DLG2: variants seen among roughly 807,000 people sequenced by gnomAD.
DLG2 encodes discs large MAGUK scaffold protein 2.
DLG2 carries 45 observed loss-of-function variants against 132.5 expected under a neutral mutation model. The ratio of observed to expected loss-of-function variants is 0.34; its 90% CI spans 0.27 to 0.44. DLG2 has a LOEUF of 0.44. Ranked by LOEUF, DLG2 falls within the 20% of genes least tolerant of loss-of-function variation. The pLI is 1.00. For missense variants in DLG2, 1,045 were observed against 1,196.9 expected, an observed-to-expected ratio of 0.87 and a Z score of 1.87; for synonymous variants, 424 against 419.6, an observed-to-expected ratio of 1.01 and a Z score of -0.13.
intron 6 of DLG2, among the ~76,000 whole-genome samples, chr11:85,056,662 C>G (rs926690140): frequency 6.6e-6 from 1 of 151,694 alleles, no homozygotes; most frequent in Non-Finnish European, 1.5e-5. Flanking sequence ...CTGCAAATCC[C>G]AAGTAGGGAA....
intron 6 of DLG2, among the ~76,000 whole-genome samples, chr11:84,934,069 T>G (rs888761417): frequency 2.0e-5 from 3 of 152,184 alleles, no homozygotes; most frequent in African/African-American, 7.2e-5. Context: ...TTTTAAAGAA[T>G]TTTTAACATG....
chr11:84,743,634 T>C (rs762121955), intron 6 of DLG2, among the ~76,000 whole-genome samples: 1 of 152,188 alleles, frequency 6.6e-6, no homozygotes, highest in African/African-American at 2.4e-5. Flanking sequence ...AATATATACA[T>C]TGGGGTCTTG....
intron 11 of DLG2, among the ~76,000 whole-genome samples, chr11:84,028,532 G>T (rs1363728399): frequency 6.6e-6 from 1 of 152,072 alleles, no homozygotes; most frequent in Non-Finnish European, 1.5e-5. Context: ...AACCTTCAGA[G>T]AACTCAACAG....
At chr11:84,517,569 T>C (rs1417068342) in intron 7 of DLG2, among the ~76,000 whole-genome samples, 1 of 151,922 alleles carries the variant, frequency 6.6e-6, no homozygotes, top group East Asian at 1.9e-4. Flanking sequence ...ATGCAACCAT[T>C]ATGAAAAAGA....
At position 84,441,132 on chromosome 11, in the gene DLG2, A is replaced by AATT. The variant is rs57445306; in HGVS notation, c.519+93435_519+93437dup. Reference sequence around the variant, plus strand: ...CTTTGGCTAATGTCTGATGTTAGTAAATTATTATTATTATTATTATTATTA... The same window carrying AATT: ...CTTTGGCTAATGTCTGATGTTAGTAAATTATTATTATTATTATTATTATTATTA... On this transcript the variant is annotated intron_variant, in intron 7 of 27. Transcript: ENST00000376104. Among the ~76,000 whole-genome samples the AATT allele has an allele frequency of 4.6e-3, 679 of 148,566 alleles. 2 individuals are homozygous for AATT. Among genetic ancestry groups the AATT allele is most frequent in the South Asian group, 0.016 (76 of 4,680 alleles).
At chr11:84,873,472 G>C (rs1019675716) in intron 6 of DLG2, among the ~76,000 whole-genome samples, 5 of 152,196 alleles carry the variant, frequency 3.3e-5, no homozygotes, top group African/African-American at 7.2e-5. Context: ...AAACCACTGA[G>C]TTGTAATTCA....
chr11:84,967,655 A>G (rs1273382817), intron 6 of DLG2, among the ~76,000 whole-genome samples: 1 of 152,164 alleles, frequency 6.6e-6, no homozygotes, highest in African/African-American at 2.4e-5. Context: ...TACTTGAAGA[A>G]CATGATATAC....
chr11:84,399,460 C>T (rs907045893), intron 7 of DLG2, among the ~76,000 whole-genome samples: 1 of 152,184 alleles, frequency 6.6e-6, no homozygotes, highest in Non-Finnish European at 1.5e-5. Flanking sequence ...GAGTCTCGCT[C>T]TGTCACCCAG....
intron 19 of DLG2, among the ~76,000 whole-genome samples, chr11:83,600,627 G>C (rs1353785801): frequency 6.6e-6 from 1 of 152,212 alleles, no homozygotes; most frequent in Non-Finnish European, 1.5e-5. Flanking sequence ...CCTGTACAGA[G>C]AGATGTGCAG....
chr11:85,210,515 C>T (rs576030674), intron 4 of DLG2, among the ~76,000 whole-genome samples: 4 of 152,278 alleles, frequency 2.6e-5, no homozygotes, highest in Non-Finnish European at 4.4e-5. Flanking sequence ...ATGGCAGTCT[C>T]ATTTTTCATA....
At chr11:83,898,202 T>C (rs2072338921) in intron 15 of DLG2, among the ~76,000 whole-genome samples, 1 of 152,150 alleles carries the variant, frequency 6.6e-6, no homozygotes, top group Non-Finnish European at 1.5e-5. Flanking sequence ...AAACTAAACA[T>C]AAATATATAT....
Position 83,541,632 on chromosome 11 carries a change from C to T in DLG2, c.2117+50G>A, listed in dbSNP as rs771977754. The T allele has an allele frequency of 6.1e-6, 9 of 1,472,970 alleles. No individual in the cohort carries two copies. The Admixed American group carries it at 1.0e-4, about 17-fold the overall frequency. The allele number at this position is 1,472,970 out of a possible 1,614,324, so 91.2% of individuals were successfully genotyped here. On this transcript the variant is annotated intron_variant, in intron 20 of 27. Transcript: ENST00000376104. ...CCACCTTCTTCTTCCCTCATCTCCA[C>T]TCGCTGGATAGCTGACAAGCAAATA... is the stretch of plus-strand genomic sequence containing the variant.
At chr11:83,549,981 G>A (rs2096347286) in intron 19 of DLG2, among the ~76,000 whole-genome samples, 2 of 152,244 alleles carry the variant, frequency 1.3e-5, no homozygotes, top group Non-Finnish European at 2.9e-5. Flanking sequence ...CTCCCAAAAT[G>A]TAGGCATTAT....
At chr11:85,146,977 T>C (rs1036314797) in intron 5 of DLG2, among the ~76,000 whole-genome samples, 2 of 152,180 alleles carry the variant, frequency 1.3e-5, no homozygotes, top group African/African-American at 4.8e-5. Flanking sequence ...AATTTTGCCC[T>C]ATGTTGTATT....
intron 3 of DLG2, among the ~76,000 whole-genome samples, chr11:85,457,436 T>A (rs1271508195): frequency 1.3e-5 from 2 of 152,200 alleles, no homozygotes; most frequent in African/African-American, 4.8e-5. Flanking sequence ...AGCCCATTCA[T>A]ATTCAAGGCT....
At position 83,473,033 on chromosome 11, in the gene DLG2, T is replaced by C. The variant is rs147546760; in HGVS notation, c.2294-256A>G. 8.5e-5 allele frequency among the ~76,000 whole-genome samples: 13 copies of C among 152,258 alleles called. No individual in the cohort carries two copies. The East Asian group carries it at 1.5e-3, about 18-fold the overall frequency. On this transcript the variant is annotated intron_variant, in intron 22 of 27. Transcript: ENST00000376104. ...CAGGGCAATGACCTGTGAGACTTCT[T>C]TCTGTCTGGCATTGAGAATGGAATG...
intron 3 of DLG2, among the ~76,000 whole-genome samples, chr11:85,467,789 TG>T (rs1012611080): frequency 6.6e-6 from 1 of 152,228 alleles, no homozygotes; most frequent in Non-Finnish European, 1.5e-5. Flanking sequence ...GTTATGTCTC[TG>T]CCAGGCTTTG....
chr11:84,253,846 G>C (rs984690765), intron 7 of DLG2, among the ~76,000 whole-genome samples: 1 of 151,942 alleles, frequency 6.6e-6, no homozygotes, highest in Non-Finnish European at 1.5e-5. Flanking sequence ...TCCCCACTAA[G>C]CTGCTTCATA....
intron 17 of DLG2, among the ~76,000 whole-genome samples, chr11:83,825,198 T>G (rs1390573940): frequency 1.0e-5 from 1 of 95,278 alleles, no homozygotes; most frequent in Non-Finnish European, 2.0e-5. Flanking sequence ...TTTTTTTTTT[T>G]GAGATGGAAT....
Sources: allele counts gnomAD v4.1 joint callset (sites outside exome capture counted in the v4.1 genomes callset), GRCh38; gene constraint gnomAD v4.1.1; transcripts MANE v1.5; gene names NCBI Gene and HGNC (gene_info 2026-07-23, HGNC 2026-07-21).